Variants in DNAH14 observed in about 807,000 individuals in gnomAD.
DNAH14 encodes the protein axonemal beta dynein heavy chain 14.
In DNAH14, 478 loss-of-function variants were observed where a neutral mutation model predicts 520.9. The observed-to-expected ratio is 0.92, with a 90% CI of 0.85 to 0.99. The LOEUF (loss-of-function observed/expected upper bound fraction) is 0.99, where lower values mean the gene tolerates loss of function less well. Ranked by LOEUF, DNAH14 falls within the 50% of genes least tolerant of loss-of-function variation. The pLI is 0.00. For missense variants in DNAH14, 4,831 were observed against 5,234.5 expected (o/e 0.92, Z 2.38); for synonymous variants, 1,581 against 1,757.2 (o/e 0.90, Z 2.51).
Position 225,331,505 on chromosome 1 carries a change from A to G in DNAH14, c.9792A>G (p.Ala3264=). ...CCGTTGCTGAAAAACAACTATTAGC[A>G]AATCGGAAAACAATGGCCAGCAGGC... ...KDTVAEKQLL[A]NRKTMASRRF... Residue 3264 remains alanine, a synonymous_variant, in exon 65 of 86, where the codon GCA becomes GCG. Coordinates refer to ENST00000682510, the MANE Select transcript of DNAH14 (RefSeq NM_001367479.1). The G allele has an allele frequency of 6.4e-7, 1 of 1,551,486 alleles. No individual in the cohort carries two copies.
At chr1:225,132,508 C>T (rs970593524) in intron 27 of DNAH14, among the ~76,000 whole-genome samples, 3 of 151,988 alleles carry the variant, frequency 2.0e-5, no homozygotes, top group African/African-American at 2.4e-5. Context: ...CTGAGGATAA[C>T]GACTCCCAGA....
At chr1:225,016,562 T>G (rs2065230577) in intron 10 of DNAH14, among the ~76,000 whole-genome samples, 1 of 152,180 alleles carries the variant, frequency 6.6e-6, no homozygotes, top group Admixed American at 6.5e-5. Context: ...TTTGTTTAGC[T>G]TATTAGACCT....
At chr1:225,313,161 G>A (rs2094402225) in intron 60 of DNAH14, among the ~76,000 whole-genome samples, 1 of 152,062 alleles carries the variant, frequency 6.6e-6, no homozygotes, top group Non-Finnish European at 1.5e-5. Context: ...CTTCTTCCTG[G>A]TTTAGTCTTG....
Position 225,305,084 on chromosome 1 carries a change from A to T in DNAH14, c.9000A>T (p.Thr3000=), listed in dbSNP as rs1465007406. The T allele has an allele frequency of 6.5e-7, 1 of 1,530,380 alleles. No individual in the cohort carries two copies. The highest frequency in any genetic ancestry group is 1.4e-5 in the African/African-American group (1 of 71,604). 94.8% of individuals were successfully genotyped at this position (1,530,380 alleles called of 1,614,324 possible). The change falls in exon 58 of 86, where the codon ACA becomes ACT. Residue 3000 remains threonine, a synonymous_variant. Transcript: ENST00000682510. ...GGGCACGAGAGGAAGAGATGCAAAC[A>T]AAGAGGTAAGACTTTGAGAACAAAT... is the stretch of plus-strand genomic sequence containing the variant. ...ILRAREEEMQ[T]KRDRFHMGLS...
rs2095099525 is a variant in DNAH14 at position 225,338,126 on chromosome 1, AG to A, written c.10379del (p.Gly3460AspfsTer5). Reference protein sequence around the residue: ...ILKKDIYQKKGHYFIRVGDAE... With the variant: ...ILKKDIYQKKXHYFIRVGDAE... The stretch of plus-strand genomic sequence containing the variant: ...TGAAAAAGGATATCTATCAGAAAAA[AG>A]GACACTATTTCATAAGGGTTGGTGA... On this transcript the variant is annotated frameshift_variant, in exon 68 of 86. Transcript: ENST00000682510. LOFTEE classifies it high-confidence loss of function. 3 of 1,551,698 alleles carry A rather than the reference AG, an allele frequency of 1.9e-6. No individual in the cohort carries two copies. In the South Asian group the frequency reaches 3.6e-5, roughly 18 times the overall value.
At chr1:225,127,039 G>T (rs2077794311) in intron 27 of DNAH14, among the ~76,000 whole-genome samples, 1 of 151,144 alleles carries the variant, frequency 6.6e-6, no homozygotes, top group Non-Finnish European at 1.5e-5. Flanking sequence ...TCTTAATCCT[G>T]AGTTCTAGTT....
intron 68 of DNAH14, chr1:225,338,402 T>C: frequency 3.0e-6 from 2 of 669,262 alleles, no homozygotes; most frequent in Non-Finnish European, 5.3e-6. Flanking sequence ...CTTTTCAAAC[T>C]GTGCATGATA....
At chr1:225,241,077 A>G (rs1201579185) in intron 43 of DNAH14, among the ~76,000 whole-genome samples, 2 of 152,170 alleles carry the variant, frequency 1.3e-5, no homozygotes, top group African/African-American at 4.8e-5. Flanking sequence ...CAATTCAGTT[A>G]CTCTGAGCTC....
intron 10 of DNAH14, among the ~76,000 whole-genome samples, chr1:225,010,284 A>C (rs2064599761): frequency 6.6e-6 from 1 of 152,126 alleles, no homozygotes. Context: ...TACCTAGTTT[A>C]TTGAGAGTTT....
intron 82 of DNAH14, 126 bp downstream of exon 82, chr1:225,388,617 G>A: frequency 1.9e-6 from 1 of 540,066 alleles, no homozygotes; most frequent in South Asian, 3.3e-5. Context: ...GCAAGGGAGG[G>A]ATTCTTATCT....
intron 39 of DNAH14, among the ~76,000 whole-genome samples, chr1:225,204,894 T>TG (rs1226022178): frequency 6.6e-6 from 1 of 152,166 alleles, no homozygotes; most frequent in Non-Finnish European, 1.5e-5. Context: ...TGTGTTATTT[T>TG]GGGGAGAGTA....
At chr1:225,302,788 A>G (rs1462503358) in intron 56 of DNAH14, among the ~76,000 whole-genome samples, 1 of 152,100 alleles carries the variant, frequency 6.6e-6, no homozygotes, top group East Asian at 1.9e-4. Context: ...TTCAGCTCTA[A>G]TTCATCTGAC....
intron 17 of DNAH14, among the ~76,000 whole-genome samples, chr1:225,078,902 G>A (rs977574820): frequency 3.9e-5 from 2 of 51,234 alleles, no homozygotes; most frequent in African/African-American, 7.8e-5. Flanking sequence ...CTCTCTCCCC[G>A]CTTTTCTGCC....
chr1:225,224,966 C>T (rs185748697), intron 41 of DNAH14, among the ~76,000 whole-genome samples: 6 of 152,304 alleles, frequency 3.9e-5, no homozygotes, highest in East Asian at 1.9e-4. Context: ...TCAACGTACA[C>T]GTCCTATTTT....
chr1:225,335,877 A>G (rs62644186), intron 66 of DNAH14, among the ~76,000 whole-genome samples: 10 of 29,080 alleles, frequency 3.4e-4, no homozygotes, highest in South Asian at 1.6e-3. Context: ...ATACACATAT[A>G]CATATATGTA....
chr1:224,992,046 C>T (rs2063093694), intron 8 of DNAH14, among the ~76,000 whole-genome samples: 1 of 152,124 alleles, frequency 6.6e-6, no homozygotes, highest in African/African-American at 2.4e-5. Context: ...TCAGTTTGTA[C>T]ACGCATAGGT....
chr1:225,144,730 A>T, intron 29 of DNAH14, 102 bp downstream of exon 29: 4 of 906,036 alleles, frequency 4.4e-6, no homozygotes, highest in Non-Finnish European at 6.6e-6. Flanking sequence ...TAAGATGTTC[A>T]TTGCATTAAC....
At chr1:225,095,068 T>C (rs892176376) in intron 21 of DNAH14, among the ~76,000 whole-genome samples, 1 of 151,908 alleles carries the variant, frequency 6.6e-6, no homozygotes, top group African/African-American at 2.4e-5. Context: ...ACATTGCTGC[T>C]GGGGATGTAA....
rs560026194 is a variant in DNAH14, at chr1:225,212,967, T to C, written c.6439+5747T>C. ...GTTGCCATTACTTTTGGTGTTTTAG[T>C]CATGAAGTCCTTGCCCATGCCTATG... On this transcript the variant is annotated intron_variant, in intron 41 of 85. Transcript: ENST00000682510. Among the ~76,000 whole-genome samples the C allele has an allele frequency of 9.8e-5, 15 of 152,286 alleles. No homozygotes were observed. The East Asian group carries it at 2.9e-3, about 29-fold the overall frequency.
Sources: gnomAD v4.1 joint callset for allele counts (sites outside exome capture counted in the v4.1 genomes callset) on GRCh38, gnomAD v4.1.1 for gene constraint, MANE v1.5 for transcripts, NCBI Gene and HGNC (gene_info 2026-07-23, HGNC 2026-07-21) for gene names.